Variants in EHMT1 observed in about 807,000 individuals in gnomAD.
EHMT1 encodes the protein histone-lysine N-methyltransferase EHMT1.
EHMT1 carries 15 observed loss-of-function variants against 147.2 expected under a neutral mutation model. That is an observed-to-expected ratio of 0.10 (90% CI 0.07 to 0.16). The LOEUF (loss-of-function observed/expected upper bound fraction) is 0.16, where lower values mean the gene tolerates loss of function less well. Among genes scored for constraint, EHMT1 ranks in the 10% least tolerant of loss-of-function variants. The pLI is 1.00. For missense variants in EHMT1, 1,587 were observed against 1,772.4 expected (o/e 0.90, Z 1.88); for synonymous variants, 795 against 709.6 (o/e 1.12, Z -1.91).
intron 1 of EHMT1, among the ~76,000 whole-genome samples, chr9:137,669,735 A>G (rs1940319385): frequency 6.6e-6 from 1 of 152,002 alleles, no homozygotes; most frequent in Non-Finnish European, 1.5e-5. Context: ...CTTTTTTTAA[A>G]AAAAAATTAA....
intron 4 of EHMT1, among the ~76,000 whole-genome samples, chr9:137,735,071 T>C (rs1947417941): frequency 6.6e-6 from 1 of 152,248 alleles, no homozygotes; most frequent in Non-Finnish European, 1.5e-5. Flanking sequence ...ACTTTTTGTT[T>C]TCTGTAAGAT....
rs1329713459 is a variant in EHMT1, at chr9:137,731,295, C to T, written c.823+2766C>T. Reference sequence around the variant, plus strand: ...CTGCTGTGGTCCAGTGGTTAAGATACTCCCTCAGCCTCAGCTGCTCCCGTG... The same window carrying T: ...CTGCTGTGGTCCAGTGGTTAAGATATTCCCTCAGCCTCAGCTGCTCCCGTG... On this transcript the variant is annotated intron_variant, in intron 4 of 26. Coordinates refer to ENST00000460843, the MANE Select transcript of EHMT1 (RefSeq NM_024757.5). This position sits in a 1 kb window ranked among gnomAD's most constrained non-coding sequence, Gnocchi z 4.3. Among the ~76,000 whole-genome samples, 1 of 152,204 alleles carries T rather than the reference C, an allele frequency of 6.6e-6. No homozygotes were observed. The highest frequency in any genetic ancestry group is 1.5e-5 in the Non-Finnish European group (1 of 68,034).
chr9:137,766,146 G>A (rs571379626), intron 10 of EHMT1, among the ~76,000 whole-genome samples: 48 of 152,310 alleles, frequency 3.2e-4, no homozygotes, highest in African/African-American at 1.0e-3. Context: ...ACTCTTGAGT[G>A]TGGGGAGGGT....
chr9:137,710,431 C>T (rs1307808032), intron 1 of EHMT1, among the ~76,000 whole-genome samples: 2 of 152,188 alleles, frequency 1.3e-5, no homozygotes, highest in African/African-American at 2.4e-5. Context: ...CGAGATCGCG[C>T]CACTGTACTC....
rs575802430 is a variant in EHMT1, at chr9:137,724,922, T to A, written c.643-3427T>A. Among the ~76,000 whole-genome samples the A allele has an allele frequency of 8.8e-3, 945 of 107,454 alleles. 5 individuals are homozygous for A. Among genetic ancestry groups the A allele is most frequent in the African/African-American group, 0.039 (883 of 22,848 alleles). 70.5% of individuals were successfully genotyped at this position (107,454 alleles called of 152,430 possible). A position where few individuals can be genotyped will look rare whatever the true frequency, so the allele number is the denominator to read the frequency against. ...ATGTGGCATTCGTTGGGCATTCGTG[T>A]GGCAGGCTTGTGGCATTCGTGGGGC... is the stretch of plus-strand genomic sequence containing the variant. On this transcript the variant is annotated intron_variant, in intron 3 of 26. Transcript: ENST00000460843.
chr9:137,708,482 G>C (rs1944434592), intron 1 of EHMT1, among the ~76,000 whole-genome samples: 1 of 152,108 alleles, frequency 6.6e-6, no homozygotes, highest in African/African-American at 2.4e-5. Context: ...TGGGCATTTG[G>C]GGAGTGTCAG....
chr9:137,728,999 G>A (rs1357975329), intron 4 of EHMT1, among the ~76,000 whole-genome samples: 1 of 152,168 alleles, frequency 6.6e-6, no homozygotes, highest in Non-Finnish European at 1.5e-5. Context: ...GGCCAGTTCC[G>A]GGAGTGGATG....
chr9:137,710,130 A>G (rs1944570698), intron 1 of EHMT1, among the ~76,000 whole-genome samples: 1 of 151,842 alleles, frequency 6.6e-6, no homozygotes, highest in Non-Finnish European at 1.5e-5. Context: ...CCAGACTCTA[A>G]GCTTCTTGAA....
At chr9:137,817,686 G>C in intron 24 of EHMT1, 161 bp downstream of exon 24, 3 of 875,248 alleles carry the variant, frequency 3.4e-6, no homozygotes, top group Non-Finnish European at 5.4e-6. Flanking sequence ...AACCAAGCTC[G>C]TGCTGTCCTC....
At chr9:137,634,828 G>A (rs1263702259) in intron 1 of EHMT1, among the ~76,000 whole-genome samples, 2 of 143,148 alleles carry the variant, frequency 1.4e-5, no homozygotes, top group Non-Finnish European at 3.0e-5. Flanking sequence ...TCAGCTTCCC[G>A]AGTAGCTGGG....
chr9:137,743,812 T>A (rs1948317705), intron 5 of EHMT1, 90 bp from the exon 6 acceptor site: 1 of 1,468,610 alleles, frequency 6.8e-7, no homozygotes, highest in African/African-American at 1.4e-5. Context: ...CCCTTGCACC[T>A]CCCAGTCACC....
At chr9:137,765,077 T>C (rs1588594460) in intron 10 of EHMT1, among the ~76,000 whole-genome samples, 1 of 152,276 alleles carries the variant, frequency 6.6e-6, no homozygotes, top group African/African-American at 2.4e-5. Flanking sequence ...GGCGGCCGCC[T>C]GTCCGCCCGA....
At chr9:137,635,525 T>C (rs142079560) in intron 1 of EHMT1, among the ~76,000 whole-genome samples, 1 of 151,482 alleles carries the variant, frequency 6.6e-6, no homozygotes, top group East Asian at 2.0e-4. Context: ...TTCAGTTTTC[T>C]TTAACATTTT....
At chr9:137,631,586 A>G (rs1351383800) in intron 1 of EHMT1, among the ~76,000 whole-genome samples, 2 of 152,122 alleles carry the variant, frequency 1.3e-5, no homozygotes, top group South Asian at 4.1e-4. Flanking sequence ...CCCTAAGATT[A>G]GAATGAAGGT....
chr9:137,643,173 C>T (rs538966210), intron 1 of EHMT1, among the ~76,000 whole-genome samples: 7 of 152,004 alleles, frequency 4.6e-5, no homozygotes, highest in African/African-American at 9.7e-5. Context: ...CATGAGCCAC[C>T]GTGCCTGGCC....
At position 137,649,293 on chromosome 9, in the gene EHMT1, T is replaced by C. The variant is rs577763223; in HGVS notation, c.21+30244T>C. On this transcript the variant is annotated intron_variant, in intron 1 of 26. Transcript: ENST00000460843. Reference sequence around the variant, plus strand: ...TGGTCAACATGGGGAAACCCTGTCTTTACTAAAAATATAAAAATTAGTCGG... The same window carrying C: ...TGGTCAACATGGGGAAACCCTGTCTCTACTAAAAATATAAAAATTAGTCGG... 1.4e-4 allele frequency among the ~76,000 whole-genome samples: 21 copies of C among 152,116 alleles called. No homozygotes were observed. The East Asian group carries it at 3.7e-3, about 27-fold the overall frequency.
At chr9:137,772,815 C>T (rs577708706) in intron 10 of EHMT1, among the ~76,000 whole-genome samples, 2 of 152,344 alleles carry the variant, frequency 1.3e-5, no homozygotes, top group Admixed American at 6.5e-5. Context: ...GTGGGGCCAC[C>T]CCAGTGCATC....
chr9:137,627,803 C>T (rs1843366073), intron 1 of EHMT1, among the ~76,000 whole-genome samples: 1 of 151,424 alleles, frequency 6.6e-6, no homozygotes, highest in Non-Finnish European at 1.5e-5. Flanking sequence ...TGGGTTCAAG[C>T]AATTCTCCTG....
chr9:137,770,465 G>A (rs73576107), intron 10 of EHMT1, among the ~76,000 whole-genome samples: 7,454 of 152,270 alleles, frequency 0.049, 601 homozygotes, highest in African/African-American at 0.17. Context: ...TCTTGACAGT[G>A]GGTTCAGATT....
Sources: allele counts gnomAD v4.1 joint callset (sites outside exome capture counted in the v4.1 genomes callset), GRCh38; gene constraint gnomAD v4.1.1; non-coding constraint Gnocchi (gnomAD v3.1); transcripts MANE v1.5; gene names NCBI Gene and HGNC (gene_info 2026-07-23, HGNC 2026-07-21).